KDM4C: variants seen among roughly 807,000 people sequenced by gnomAD.
KDM4C encodes lysine demethylase 4C.
Under a neutral mutation model 129.3 loss-of-function variants are expected in KDM4C, and 81 were observed. The ratio of observed to expected loss-of-function variants is 0.63; its 90% CI spans 0.52 to 0.75. KDM4C has a LOEUF of 0.75. Among genes scored for constraint, KDM4C ranks in the 30% least tolerant of loss-of-function variants. KDM4C has a pLI of 0.00. For synonymous variants in KDM4C, 573 were observed against 456.1 expected (o/e 1.26, Z -3.26); for missense variants, 1,457 against 1,304.0 (o/e 1.12, Z -1.81).
At chr9:6,726,204 G>A (rs138852783) in intron 1 of KDM4C, among the ~76,000 whole-genome samples, 1 of 152,152 alleles carries the variant, frequency 6.6e-6, no homozygotes, top group Non-Finnish European at 1.5e-5. Context: ...GATTACAGGC[G>A]TGAGCCACCA....
At chr9:7,008,425 G>C (rs891793391) in intron 12 of KDM4C, among the ~76,000 whole-genome samples, 1 of 152,158 alleles carries the variant, frequency 6.6e-6, no homozygotes, top group Non-Finnish European at 1.5e-5. Context: ...AGCATTTGCA[G>C]TCCCAGACTC....
intron 1 of KDM4C, among the ~76,000 whole-genome samples, chr9:6,740,729 G>A (rs931272301): frequency 1.3e-5 from 2 of 149,126 alleles, no homozygotes; most frequent in African/African-American, 2.5e-5. Flanking sequence ...ATGTTGGCCT[G>A]GCTGGTCTCG....
At chr9:6,790,654 CAAAAAAAAAAAAA>C (rs1186296239) in intron 1 of KDM4C, among the ~76,000 whole-genome samples, 2 of 65,216 alleles carry the variant, frequency 3.1e-5, no homozygotes, top group African/African-American at 1.2e-4. Flanking sequence ...TTAAATTCAG[CAAAAAAAAAAAAA>C]AAAAAAAAAA....
intron 17 of KDM4C, among the ~76,000 whole-genome samples, chr9:7,059,880 T>G (rs563950546): frequency 2.0e-5 from 3 of 152,142 alleles, no homozygotes; most frequent in Non-Finnish European, 4.4e-5. Flanking sequence ...TATATATTTT[T>G]AAAAATTTCC....
At chr9:6,898,046 C>T (rs185231834) in intron 8 of KDM4C, among the ~76,000 whole-genome samples, 5 of 152,180 alleles carry the variant, frequency 3.3e-5, no homozygotes, top group Admixed American at 6.5e-5. Context: ...AAGCGCCGGC[C>T]GGCAGGTTGT....
intron 15 of KDM4C, among the ~76,000 whole-genome samples, chr9:7,035,356 A>G (rs1372046832): frequency 1.2e-5 from 1 of 82,750 alleles, no homozygotes; most frequent in Non-Finnish European, 3.1e-5. Context: ...TTCTGTTGAG[A>G]TGTTTGAGTT....
intron 1 of KDM4C, among the ~76,000 whole-genome samples, chr9:6,788,363 G>A (rs1030826762): frequency 2.0e-5 from 3 of 152,030 alleles, no homozygotes; most frequent in African/African-American, 7.3e-5. Flanking sequence ...GGAAATGCTC[G>A]GGCCACCCTT....
intron 20 of KDM4C, among the ~76,000 whole-genome samples, chr9:7,168,133 AGCCGAGATCGC>A (rs1400699350): frequency 6.6e-6 from 1 of 152,212 alleles, no homozygotes; most frequent in Non-Finnish European, 1.5e-5. Flanking sequence ...GGTTGCAGTG[AGCCGAGATCGC>A]GCCGTTGCAC....
chr9:6,895,712 C>T lies in KDM4C; in HGVS notation c.921+2480C>T, dbSNP rs145542295. ...GCCAGGAATTCAAGACTAGTCTTAG[C>T]AACAGAGTGAGATCTTGTCTCTACA... On this transcript the variant is annotated intron_variant, in intron 8 of 21. Coordinates refer to ENST00000381309, the MANE Select transcript of KDM4C (RefSeq NM_015061.6). Among the ~76,000 whole-genome samples the T allele has an allele frequency of 2.7e-3, 418 of 152,114 alleles. 3 individuals are homozygous for T. Among genetic ancestry groups the T allele is most frequent in the African/African-American group, 9.2e-3 (381 of 41,478 alleles).
rs750673619 is a variant in KDM4C, at chr9:7,013,965, A to G, written c.2146A>G (p.Ile716Val). ...TGAAGAGGATGGAACAAGTCTCCTT[A>G]TTTCCTGTGCAAAGTGCTGCGTACG... ...FLEEDGTSLLISCAKCCVRVH... is the reference protein window; with the variant it reads ...FLEEDGTSLLVSCAKCCVRVH... The change falls in exon 14 of 22, where the codon ATT becomes GTT. Residue 716 changes from isoleucine (I) to valine (V), a missense_variant. Ile to Val is a conservative substitution (Grantham distance 29). Transcript: ENST00000381309. The G allele has an allele frequency of 6.2e-7, 1 of 1,613,938 alleles. No homozygotes were observed. The highest frequency in any genetic ancestry group is 8.5e-7 in the Non-Finnish European group (1 of 1,179,880).
intron 1 of KDM4C, among the ~76,000 whole-genome samples, chr9:6,779,055 G>A (rs927858453): frequency 1.9e-4 from 14 of 74,412 alleles, no homozygotes; most frequent in Admixed American, 5.6e-4. Flanking sequence ...TTGAGATGGA[G>A]TCTCGCTCTG....
intron 8 of KDM4C, among the ~76,000 whole-genome samples, chr9:6,957,603 G>A (rs912267992): frequency 2.6e-5 from 4 of 152,238 alleles, no homozygotes; most frequent in African/African-American, 4.8e-5. Context: ...GAGATCAAAC[G>A]TGGAGGCTGC....
At chr9:6,964,949 G>A (rs577498918) in intron 8 of KDM4C, among the ~76,000 whole-genome samples, 16 of 151,704 alleles carry the variant, frequency 1.1e-4, no homozygotes, top group South Asian at 2.1e-4. Context: ...GTGAGACTTC[G>A]TCGGGAAAAA....
chr9:6,767,444 T>C (rs1374405773), intron 1 of KDM4C, among the ~76,000 whole-genome samples: 2 of 131,944 alleles, frequency 1.5e-5, no homozygotes, highest in Non-Finnish European at 3.6e-5. Context: ...CACGGCCCCC[T>C]TTTTTTTTGA....
At chr9:6,992,278 A>G (rs754494) in intron 12 of KDM4C, among the ~76,000 whole-genome samples, 38,492 of 152,102 alleles carry the variant, frequency 0.25, 5,634 homozygotes, top group Non-Finnish European at 0.32. Flanking sequence ...GTGGGCCATC[A>G]TAAATTGGCC....
chr9:7,023,610 T>C (rs1825268576), intron 15 of KDM4C, among the ~76,000 whole-genome samples: 1 of 152,154 alleles, frequency 6.6e-6, no homozygotes, highest in African/African-American at 2.4e-5. Flanking sequence ...ATTGATCTGT[T>C]GTGTTCTCAT....
intron 8 of KDM4C, among the ~76,000 whole-genome samples, chr9:6,927,089 T>TTCTATCTATCTA (rs34242647): frequency 0.013 from 1,871 of 145,166 alleles, 11 homozygotes; most frequent in East Asian, 0.031. Flanking sequence ...AAAAAAAATT[T>TTCTATCTATCTA]TCTATCTATC....
At chr9:6,807,303 A>AC (rs1328014980) in intron 3 of KDM4C, among the ~76,000 whole-genome samples, 1 of 149,314 alleles carries the variant, frequency 6.7e-6, no homozygotes, top group Non-Finnish European at 1.5e-5. Context: ...CCAGCCGCCA[A>AC]CCCGTCTGGG....
intron 1 of KDM4C, among the ~76,000 whole-genome samples, chr9:6,780,352 T>G (rs1021527366): frequency 1.3e-5 from 2 of 151,872 alleles, no homozygotes; most frequent in African/African-American, 4.8e-5. Context: ...GGTGTGGGAA[T>G]TATAACAGTA....
Sources: allele counts gnomAD v4.1 joint callset (sites outside exome capture counted in the v4.1 genomes callset), GRCh38; gene constraint gnomAD v4.1.1; transcripts MANE v1.5; gene names NCBI Gene and HGNC (gene_info 2026-07-23, HGNC 2026-07-21).